The following MACF1 variants were observed in gnomAD, a reference collection of about 807,000 sequenced individuals.
The protein encoded by MACF1 is microtubule actin crosslinking factor 1.
Under a neutral mutation model 854.8 loss-of-function variants are expected in MACF1, and 193 were observed. The ratio of observed to expected loss-of-function variants is 0.23; its 90% CI spans 0.20 to 0.25. The LOEUF (loss-of-function observed/expected upper bound fraction) is 0.25, where lower values mean the gene tolerates loss of function less well. Among genes scored for constraint, MACF1 ranks in the 10% least tolerant of loss-of-function variants. The pLI is 1.00. For synonymous variants in MACF1, 3,185 were observed against 3,226.7 expected, an observed-to-expected ratio of 0.99 and a Z score of 0.44; for missense variants, 7,722 against 8,929.1, an observed-to-expected ratio of 0.86 and a Z score of 5.45.
In MACF1 at chr1:39,430,711, A is replaced by AAGG; in HGVS notation, c.17144_17146dup (p.Glu5715dup). The AAGG allele has an allele frequency of 6.2e-7, 1 of 1,611,876 alleles. No homozygotes were observed. Among genetic ancestry groups the AAGG allele is most frequent in the Non-Finnish European group, 8.5e-7 (1 of 1,179,784 alleles). On this transcript the variant is annotated inframe_insertion, in exon 66 of 101. Coordinates refer to ENST00000564288, the MANE Select transcript of MACF1 (RefSeq NM_001394062.1). Reference sequence around the variant, plus strand: ...TCTTTTCCCTCCTTAGGAATTAAAGAAGGAGGTCATGGAGCACAGGCTGGT... The same window carrying AAGG: ...TCTTTTCCCTCCTTAGGAATTAAAGAAGGAGGAGGTCATGGAGCACAGGCTGGT...
Position 39,468,601 on chromosome 1 carries a change from C to G in MACF1, c.21772-14C>G. On this transcript the variant is annotated splice_polypyrimidine_tract_variant and intron_variant, in intron 95 of 100. Transcript: ENST00000564288. Reference sequence around the variant, plus strand: ...AAGACATATATATTAATTAAGTTTCCTTTGATTCTACAGTTTGGGGATTCT... The same window carrying G: ...AAGACATATATATTAATTAAGTTTCGTTTGATTCTACAGTTTGGGGATTCT... 3 of 1,605,908 alleles carry G rather than the reference C, an allele frequency of 1.9e-6. No homozygotes were observed. The highest frequency in any genetic ancestry group is 2.6e-6 in the Non-Finnish European group (3 of 1,172,692).
chr1:39,439,916 T>C (rs2018212), intron 72 of MACF1, among the ~76,000 whole-genome samples: 24,305 of 152,022 alleles, frequency 0.16, 2,420 homozygotes, highest in Middle Eastern at 0.22. Context: ...TAAAGTTTCT[T>C]TTTAAGTGAG....
At chr1:39,386,014 A>G in intron 57 of MACF1, 85 bp downstream of exon 57, 3 of 1,428,486 alleles carry the variant, frequency 2.1e-6, no homozygotes, top group Non-Finnish European at 2.8e-6. Context: ...CCAAGATTCT[A>G]GGATTCCCTT....
chr1:39,318,629 T>C lies in MACF1; in HGVS notation c.3945+14T>C, dbSNP rs138250669. On this transcript the variant is annotated intron_variant, in intron 30 of 100. Coordinates refer to ENST00000564288, the MANE Select transcript of MACF1 (RefSeq NM_001394062.1). ...AGCCAGCAGACGGTGAGTGTGGTAG[T>C]AGCTCTGGCGAGAAGAGTTAGAAAT... is the stretch of plus-strand genomic sequence containing the variant. 6,187 of 1,593,746 alleles carry C rather than the reference T, an allele frequency of 3.9e-3. 28 individuals carry two copies. Among genetic ancestry groups the C allele is most frequent in the Non-Finnish European group, 3.9e-3 (4,521 of 1,170,776 alleles).
At chr1:39,296,691 C>G (rs1313876239) in intron 20 of MACF1, among the ~76,000 whole-genome samples, 1 of 147,670 alleles carries the variant, frequency 6.8e-6, no homozygotes, top group Non-Finnish European at 1.5e-5. Context: ...GATCACACCA[C>G]TGCACTCCAG....
chr1:39,382,918 C>G (rs892374129), intron 56 of MACF1, among the ~76,000 whole-genome samples: 5 of 151,762 alleles, frequency 3.3e-5, no homozygotes, highest in African/African-American at 4.8e-5. Context: ...GTCAGGAGTT[C>G]AAGACCAGCC....
At chr1:39,289,693 C>CTT (rs58188740) in intron 15 of MACF1, among the ~76,000 whole-genome samples, 3,218 of 28,702 alleles carry the variant, frequency 0.11, 1,211 homozygotes, top group Middle Eastern at 0.2. Context: ...GTGGGTTGTC[C>CTT]TTTTTTTTTT....
intron 15 of MACF1, among the ~76,000 whole-genome samples, chr1:39,288,453 GTGCCAC>G (rs1645694939): frequency 6.7e-6 from 1 of 150,222 alleles, no homozygotes; most frequent in Non-Finnish European, 1.5e-5. Flanking sequence ...AGCTGAGATT[GTGCCAC>G]TGCACTCCAG....
chr1:39,103,925 T>C (rs1642156970), intron 2 of MACF1, among the ~76,000 whole-genome samples: 1 of 152,206 alleles, frequency 6.6e-6, no homozygotes, highest in Non-Finnish European at 1.5e-5. Context: ...TTTTACTTGT[T>C]ACCAATGTGC....
chr1:39,088,148 A>G (rs1355256942), intron 2 of MACF1, among the ~76,000 whole-genome samples: 1 of 151,746 alleles, frequency 6.6e-6, no homozygotes, highest in Non-Finnish European at 1.5e-5. Flanking sequence ...AATTTTTTGT[A>G]TTTTTAGTAG....
chr1:39,404,437 C>A (rs894269491), intron 58 of MACF1, among the ~76,000 whole-genome samples: 4 of 151,500 alleles, frequency 2.6e-5, no homozygotes, highest in Non-Finnish European at 5.9e-5. Context: ...TGTCACTGCA[C>A]CCCAGCCTGG....
intron 2 of MACF1, among the ~76,000 whole-genome samples, chr1:39,138,698 T>C (rs1372377006): frequency 6.6e-6 from 1 of 152,076 alleles, no homozygotes; most frequent in African/African-American, 2.4e-5. Flanking sequence ...AGAGTCTTGC[T>C]CTGTCACCCA....
chr1:39,125,006 T>A (rs1233041706), intron 2 of MACF1, among the ~76,000 whole-genome samples: 4 of 152,222 alleles, frequency 2.6e-5, no homozygotes, highest in African/African-American at 9.7e-5. Flanking sequence ...GGATACTTGA[T>A]TCTGCCACTA....
chr1:39,461,412 C>G (rs1214673846), intron 92 of MACF1, among the ~76,000 whole-genome samples: 1 of 151,790 alleles, frequency 6.6e-6, no homozygotes, highest in Non-Finnish European at 1.5e-5. Context: ...TACCTTTTTT[C>G]GTTGCATTTG....
intron 2 of MACF1, among the ~76,000 whole-genome samples, chr1:39,242,678 T>C (rs1443962905): frequency 6.7e-6 from 1 of 149,090 alleles, no homozygotes; most frequent in Non-Finnish European, 1.5e-5. Context: ...GAGGCTATAG[T>C]GAGCTGTGAT....
At chr1:39,303,737 C>T (rs1453376077) in intron 23 of MACF1, among the ~76,000 whole-genome samples, 1 of 150,170 alleles carries the variant, frequency 6.7e-6, no homozygotes, top group Non-Finnish European at 1.5e-5. Flanking sequence ...GATGGCAGGC[C>T]CCTGTAATCC....
Position 39,452,350 on chromosome 1 carries a change from A to G in MACF1, c.20613A>G (p.Gln6871=), listed in dbSNP as rs1644356382. 1.2e-6 allele frequency: 2 copies of G among 1,612,240 alleles called. No individual in the cohort carries two copies. The highest frequency in any genetic ancestry group is 8.5e-7 in the Non-Finnish European group (1 of 1,179,028). ...GCCGGCTTGAGCAGGCCTTAAAACAAGTAAGGGATATTTGCTGTCCCAACC... is the reference window on the plus strand; with the variant it reads ...GCCGGCTTGAGCAGGCCTTAAAACAGGTAAGGGATATTTGCTGTCCCAACC... ...KQSRLEQALK[Q]AEVFRDTVHM... Residue 6871 remains glutamine, a splice_region_variant and synonymous_variant, in exon 86 of 101, where the codon CAA becomes CAG. Transcript: ENST00000564288.
rs1642911759 is a variant in MACF1, at chr1:39,409,936, C to T, written c.15817-12438C>T. 1 of 229,712 alleles carries T rather than the reference C, an allele frequency of 4.4e-6. No individual in the cohort carries two copies. Among genetic ancestry groups the T allele is most frequent in the Admixed American group, 5.3e-5 (1 of 18,832 alleles). 14.2% of individuals were successfully genotyped at this position (229,712 alleles called of 1,614,324 possible). A position where few individuals can be genotyped will look rare whatever the true frequency, so the allele number is the denominator to read the frequency against. On this transcript the variant is annotated intron_variant, in intron 58 of 100. Coordinates refer to ENST00000564288, the MANE Select transcript of MACF1 (RefSeq NM_001394062.1). The surrounding 1 kb of genome is among the most constrained non-coding windows in gnomAD (Gnocchi z 4.2). Reference sequence around the variant, plus strand: ...GAGTGGAACTAGATATCGAAAAAGACTCGTCAATATCAGATGATTTTTGTT... The same window carrying T: ...GAGTGGAACTAGATATCGAAAAAGATTCGTCAATATCAGATGATTTTTGTT...
In MACF1 at chr1:39,299,739, T is replaced by C. The variant is rs557787652; in HGVS notation, c.2482-471T>C. Among the ~76,000 whole-genome samples, 3 of 152,324 alleles carry C rather than the reference T, an allele frequency of 2.0e-5. No individual in the cohort carries two copies. The South Asian group carries it at 6.2e-4, about 32-fold the overall frequency. ...TATTTGGAGTAGAGCTTGGGAGATA[T>C]AATTATTTTTAAAAATTTAAATAAG... On this transcript the variant is annotated intron_variant, in intron 21 of 100. Transcript: ENST00000564288.
Sources: allele counts gnomAD v4.1 joint callset (sites outside exome capture counted in the v4.1 genomes callset), GRCh38; gene constraint gnomAD v4.1.1; non-coding constraint Gnocchi (gnomAD v3.1); transcripts MANE v1.5; gene names NCBI Gene and HGNC (gene_info 2026-07-23, HGNC 2026-07-21).